Variants in CNTNAP2 observed in about 807,000 individuals in gnomAD.
CNTNAP2 encodes the protein contactin associated protein 2, also known as contactin-associated protein-like 2.
A neutral mutation model predicts 155.2 loss-of-function variants in CNTNAP2; 98 were observed. The ratio of observed to expected loss-of-function variants is 0.63; its 90% CI spans 0.54 to 0.75. The LOEUF (loss-of-function observed/expected upper bound fraction) is 0.75, where lower values mean the gene tolerates loss of function less well. Ranked by LOEUF, CNTNAP2 falls within the 30% of genes least tolerant of loss-of-function variation. CNTNAP2 has a pLI of 0.00. For synonymous variants in CNTNAP2, 651 were observed against 631.2 expected (o/e 1.03, Z -0.47); for missense variants, 1,727 against 1,688.1 (o/e 1.02, Z -0.40).
At chr7:147,733,305 G>A (rs1270974886) in intron 13 of CNTNAP2, among the ~76,000 whole-genome samples, 1 of 152,142 alleles carries the variant, frequency 6.6e-6, no homozygotes, top group African/African-American at 2.4e-5. Flanking sequence ...GTTTTTGTCA[G>A]GTTTGTCAAA....
chr7:148,021,861 C>A (rs1228106713), intron 15 of CNTNAP2, among the ~76,000 whole-genome samples: 1 of 152,176 alleles, frequency 6.6e-6, no homozygotes, highest in African/African-American at 2.4e-5. Flanking sequence ...GCCGGGTGAG[C>A]GTGGGGAAGG....
chr7:147,643,413 G>T (rs529521941), intron 13 of CNTNAP2: 3 of 152,140 alleles, frequency 2.0e-5, no homozygotes, highest in Admixed American at 6.6e-5. Flanking sequence ...AATAGCTGAC[G>T]CAAGGAAAAG....
chr7:146,980,615 G>T (rs1266501278), intron 3 of CNTNAP2, among the ~76,000 whole-genome samples: 2 of 152,150 alleles, frequency 1.3e-5, no homozygotes, highest in Admixed American at 1.3e-4. Context: ...TTCCAGTCAT[G>T]GCAGAAGGGG....
rs887863359 is a variant in CNTNAP2 at position 148,041,884 on chromosome 7, T to A, written c.2383+63895T>A. ...CGGAATATATACAATAACAAATTAT[T>A]TTTTTAAAAAACTGGATATAACTTG... On this transcript the variant is annotated intron_variant, in intron 15 of 23. Transcript: ENST00000361727. Among the ~76,000 whole-genome samples the A allele has an allele frequency of 6.6e-5, 10 of 152,296 alleles. No individual in the cohort carries two copies. In the East Asian group the frequency reaches 1.9e-3, roughly 29 times the overall value.
At chr7:148,075,946 C>G (rs78843471) in intron 15 of CNTNAP2, among the ~76,000 whole-genome samples, 6,104 of 152,234 alleles carry the variant, frequency 0.04, 159 homozygotes, top group Non-Finnish European at 0.056. Context: ...GCCTGTATGT[C>G]TCTGAATTCT....
intron 20 of CNTNAP2, among the ~76,000 whole-genome samples, chr7:148,253,212 T>C (rs1242790606): frequency 6.6e-6 from 1 of 152,044 alleles, no homozygotes; most frequent in East Asian, 1.9e-4. Context: ...CCAAAACACA[T>C]CCTAAGGACC....
chr7:146,260,351 A>AG (rs2129081425), intron 1 of CNTNAP2, among the ~76,000 whole-genome samples: 1 of 152,342 alleles, frequency 6.6e-6, no homozygotes, highest in South Asian at 2.1e-4. Flanking sequence ...TGGAGCTGTG[A>AG]GAAAAAGGCC....
intron 1 of CNTNAP2, among the ~76,000 whole-genome samples, chr7:146,681,400 G>T (rs1420196275): frequency 8.2e-6 from 1 of 121,270 alleles, no homozygotes; most frequent in Non-Finnish European, 1.7e-5. Context: ...CACATAGAGG[G>T]AAACAAGACA....
Position 147,091,195 on chromosome 7 carries a change from C to T in CNTNAP2, c.551-16952C>T, listed in dbSNP as rs576586165. 1.1e-3 allele frequency among the ~76,000 whole-genome samples: 170 copies of T among 152,016 alleles called. 8 individuals are homozygous for T. Among genetic ancestry groups the T allele is most frequent in the Non-Finnish European group, 8.2e-4 (56 of 68,006 alleles). On this transcript the variant is annotated intron_variant, in intron 4 of 23. Transcript: ENST00000361727. Reference sequence around the variant, plus strand: ...CCTTAAACAGACCCAGAAAGTGAATCGGTTTCCTCATGGGCAAATAAACCA... The same window carrying T: ...CCTTAAACAGACCCAGAAAGTGAATTGGTTTCCTCATGGGCAAATAAACCA...
At chr7:148,132,644 A>G (rs1215796385) in intron 16 of CNTNAP2, among the ~76,000 whole-genome samples, 1 of 152,250 alleles carries the variant, frequency 6.6e-6, no homozygotes, top group Non-Finnish European at 1.5e-5. Context: ...GTTGAAGAAC[A>G]AAAAGAATTG....
At chr7:146,745,631 G>A (rs978999912) in intron 1 of CNTNAP2, among the ~76,000 whole-genome samples, 1 of 151,992 alleles carries the variant, frequency 6.6e-6, no homozygotes, top group South Asian at 2.1e-4. Flanking sequence ...GCCAAGCGTG[G>A]TGGTGCACAC....
intron 4 of CNTNAP2, among the ~76,000 whole-genome samples, chr7:147,086,439 T>G (rs1316255200): frequency 3.9e-5 from 6 of 152,148 alleles, no homozygotes; most frequent in Admixed American, 3.9e-4. Flanking sequence ...TTTTTAATTT[T>G]TTTAAATTAC....
At chr7:146,999,886 T>C (rs1471943237) in intron 3 of CNTNAP2, among the ~76,000 whole-genome samples, 1 of 152,028 alleles carries the variant, frequency 6.6e-6, no homozygotes, top group Admixed American at 6.6e-5. Flanking sequence ...ATGAAGACTT[T>C]TTACCTTCCT....
chr7:147,002,965 A>T lies in CNTNAP2; in HGVS notation c.403-40942A>T, dbSNP rs866288858. Among the ~76,000 whole-genome samples, 66 of 150,886 alleles carry T rather than the reference A, an allele frequency of 4.4e-4. 1 individual carries two copies. Among genetic ancestry groups the T allele is most frequent in the African/African-American group, 1.5e-3 (63 of 41,068 alleles). ...CTTCCAAAAAAAAAAAAAAAAAAAA[A>T]AAGAAGAAGCAGCAAACTGGAAAAG... is the stretch of plus-strand genomic sequence containing the variant. On this transcript the variant is annotated intron_variant, in intron 3 of 23. Transcript: ENST00000361727.
At chr7:147,482,590 G>C (rs1301169514) in intron 10 of CNTNAP2, among the ~76,000 whole-genome samples, 1 of 152,076 alleles carries the variant, frequency 6.6e-6, no homozygotes, top group Middle Eastern at 3.4e-3. Flanking sequence ...GCGTGGTGGC[G>C]GGTGCCTGTG....
At chr7:148,095,171 G>A (rs1280059125) in intron 15 of CNTNAP2, among the ~76,000 whole-genome samples, 1 of 152,116 alleles carries the variant, frequency 6.6e-6, no homozygotes, top group Non-Finnish European at 1.5e-5. Flanking sequence ...TTTCCCCAGA[G>A]ACCCACAGAA....
intron 1 of CNTNAP2, among the ~76,000 whole-genome samples, chr7:146,238,827 G>A (rs748934448): frequency 2.0e-5 from 3 of 152,120 alleles, no homozygotes; most frequent in Admixed American, 6.5e-5. Context: ...TTCACAAGGC[G>A]GCAGGAAGAA....
chr7:147,273,154 G>A (rs1044693944), intron 8 of CNTNAP2, among the ~76,000 whole-genome samples: 2 of 152,096 alleles, frequency 1.3e-5, no homozygotes, highest in African/African-American at 4.8e-5. Context: ...CCAGCACTGA[G>A]GACAATCTAA....
At chr7:146,647,349 T>C (rs1799831920) in intron 1 of CNTNAP2, among the ~76,000 whole-genome samples, 1 of 141,384 alleles carries the variant, frequency 7.1e-6, no homozygotes, top group Non-Finnish European at 1.6e-5. Context: ...AAAAAAATAA[T>C]CTTATATTAG....
Sources: allele counts gnomAD v4.1 joint callset (sites outside exome capture counted in the v4.1 genomes callset), GRCh38; gene constraint gnomAD v4.1.1; transcripts MANE v1.5; gene names NCBI Gene and HGNC (gene_info 2026-07-23, HGNC 2026-07-21).